SYNE1: variants seen among roughly 807,000 people sequenced by gnomAD.
The protein encoded by SYNE1 is spectrin repeat containing nuclear envelope protein 1.
Under a neutral mutation model 1,111.0 loss-of-function variants are expected in SYNE1, and 616 were observed. The ratio of observed to expected loss-of-function variants is 0.55; its 90% CI spans 0.52 to 0.59. The LOEUF (loss-of-function observed/expected upper bound fraction) is 0.59. Among genes scored for constraint, SYNE1 ranks in the 20% least tolerant of loss-of-function variants. SYNE1 has a pLI of 0.00. For missense variants in SYNE1, 10,006 were observed against 10,417.0 expected (o/e 0.96, Z 1.72); for synonymous variants, 3,855 against 3,825.8 (o/e 1.01, Z -0.28).
intron 6 of SYNE1, among the ~76,000 whole-genome samples, chr6:152,518,841 T>C (rs980192892): frequency 1.4e-5 from 2 of 146,012 alleles, no homozygotes; most frequent in Non-Finnish European, 3.1e-5. Flanking sequence ...TGTATATACA[T>C]GTACACACAT....
At chr6:152,420,777 T>C (rs991456738) in intron 39 of SYNE1, among the ~76,000 whole-genome samples, 1 of 118,220 alleles carries the variant, frequency 8.5e-6, no homozygotes, top group Non-Finnish European at 1.7e-5. Context: ...CTGATTCTTT[T>C]TATGTTTTCC....
chr6:152,276,059 G>C (rs1384893963), intron 98 of SYNE1, among the ~76,000 whole-genome samples: 1 of 130,424 alleles, frequency 7.7e-6, no homozygotes, highest in African/African-American at 2.8e-5. Context: ...TTTTGAGACA[G>C]GATTTCACTC....
chr6:152,403,119 A>G (rs1483517011), intron 46 of SYNE1, among the ~76,000 whole-genome samples: 2 of 152,170 alleles, frequency 1.3e-5, no homozygotes, highest in African/African-American at 4.8e-5. Flanking sequence ...AAGAAAGGAA[A>G]TGTAGAGAAA....
chr6:152,172,937 T>C (rs1017721420), intron 130 of SYNE1, among the ~76,000 whole-genome samples: 6 of 152,202 alleles, frequency 3.9e-5, no homozygotes, highest in Non-Finnish European at 8.8e-5. Flanking sequence ...TAATTAAAAT[T>C]AAGGAGTAAT....
chr6:152,358,340 G>T, intron 66 of SYNE1, 33 bp downstream of exon 66: 1 of 1,613,884 alleles, frequency 6.2e-7, no homozygotes, highest in Non-Finnish European at 8.5e-7. Context: ...TCAGAATGAA[G>T]ATTCCTTTGT....
At chr6:152,610,224 T>C (rs2099627416) in intron 3 of SYNE1, among the ~76,000 whole-genome samples, 1 of 152,060 alleles carries the variant, frequency 6.6e-6, no homozygotes, top group Non-Finnish European at 1.5e-5. Flanking sequence ...TTCAAACCCA[T>C]CGCAAGGAAG....
rs962951055 is a variant in SYNE1, at chr6:152,235,422, C to G, written c.20397-622G>C. On this transcript the variant is annotated intron_variant, in intron 110 of 145. Transcript: ENST00000367255. ...TGTTGCCCAGGCTGGAGTGCAATGG[C>G]GCAATCTTGGCTCACTGCAACCTCC... Among the ~76,000 whole-genome samples the G allele has an allele frequency of 3.3e-5, 5 of 152,130 alleles. No individual in the cohort carries two copies. The South Asian group carries it at 1.0e-3, about 32-fold the overall frequency.
chr6:152,402,317 C>T (rs921837283), intron 46 of SYNE1: 1 of 152,336 alleles, frequency 6.6e-6, no homozygotes, highest in African/African-American at 2.4e-5. Flanking sequence ...CTTTCTCATT[C>T]CTCAGCCTGG....
At position 152,344,237 on chromosome 6, in the gene SYNE1, T is replaced by A. The variant is rs768654827; in HGVS notation, c.12079-10A>T. 3 of 1,613,992 alleles carry A rather than the reference T, an allele frequency of 1.9e-6. No homozygotes were observed. Among genetic ancestry groups the A allele is most frequent in the African/African-American group, 1.3e-5 (1 of 74,908 alleles). ...CCAAACTCTGGTACATCTGAGACAA[T>A]ACAATCATGCTGAGATTATGAGAAC... On this transcript the variant is annotated splice_polypyrimidine_tract_variant and intron_variant, in intron 73 of 145. Coordinates refer to ENST00000367255, the MANE Select transcript of SYNE1 (RefSeq NM_182961.4).
rs146496695 is a variant in SYNE1, at chr6:152,229,052, C to T, written c.21195+1495G>A. Among the ~76,000 whole-genome samples, 1,168 of 152,182 alleles carry T rather than the reference C, an allele frequency of 7.7e-3. 11 individuals carry two copies. The highest frequency in any genetic ancestry group is 0.054 in the Middle Eastern group (16 of 294). ...CAGCACTTCTCTTCCTTTTCAGAAC[C>T]GAAAAGCTTTGATTAAGTGCTTAAA... On this transcript the variant is annotated intron_variant, in intron 115 of 145. Transcript: ENST00000367255.
intron 3 of SYNE1, among the ~76,000 whole-genome samples, chr6:152,622,231 G>C (rs2099676991): frequency 1.3e-5 from 2 of 152,088 alleles, no homozygotes; most frequent in Admixed American, 6.6e-5. Flanking sequence ...GTTTTAATAA[G>C]AAGAGTCATT....
intron 3 of SYNE1, among the ~76,000 whole-genome samples, chr6:152,545,314 T>C (rs1395715422): frequency 6.6e-6 from 1 of 152,182 alleles, no homozygotes; most frequent in Non-Finnish European, 1.5e-5. Flanking sequence ...GTGCTGTGGC[T>C]CATGCCTGTA....
chr6:152,563,465 A>C (rs950735823), intron 3 of SYNE1, among the ~76,000 whole-genome samples: 1 of 152,306 alleles, frequency 6.6e-6, no homozygotes, highest in African/African-American at 2.4e-5. Context: ...GACATTTTTC[A>C]TTCGATATTT....
intron 92 of SYNE1, among the ~76,000 whole-genome samples, 162 bp downstream of exon 92, chr6:152,301,707 C>T (rs2095175853): frequency 6.6e-6 from 1 of 152,232 alleles, no homozygotes; most frequent in Admixed American, 6.5e-5. Context: ...CAAAGATTGG[C>T]CCGGCCCAAC....
intron 14 of SYNE1, among the ~76,000 whole-genome samples, chr6:152,482,873 GAA>G (rs1265184401): frequency 6.6e-6 from 1 of 152,306 alleles, no homozygotes; most frequent in African/African-American, 2.4e-5. Flanking sequence ...CACAGGTATG[GAA>G]AATATCTCAG....
chr6:152,578,144 C>T, intron 3 of SYNE1, among the ~76,000 whole-genome samples: 1 of 152,094 alleles, frequency 6.6e-6, no homozygotes, highest in Middle Eastern at 3.4e-3. Context: ...AAATCTGAAA[C>T]TTTATATTTT....
intron 16 of SYNE1, among the ~76,000 whole-genome samples, chr6:152,469,845 G>A (rs2098795210): frequency 6.6e-6 from 1 of 152,036 alleles, no homozygotes; most frequent in Non-Finnish European, 1.5e-5. Flanking sequence ...CTGGCTCCTT[G>A]GTATCTAAAA....
Position 152,373,043 on chromosome 6 carries a change from A to C in SYNE1, c.9501T>G (p.Ala3167=). The C allele has an allele frequency of 6.2e-7, 1 of 1,614,094 alleles. No homozygotes were observed. The highest frequency in any genetic ancestry group is 8.5e-7 in the Non-Finnish European group (1 of 1,179,984). ...TGTGGTTGGCTATATATACCTCTAG[A>C]GCAGATTCTTTTTGGTGGAGATTTG... ...FHSNLHQKES[A]LENLKIQMKD... Residue 3167 remains alanine, a synonymous_variant, in exon 59 of 146, where the codon GCT becomes GCG. Coordinates refer to ENST00000367255, the MANE Select transcript of SYNE1 (RefSeq NM_182961.4).
intron 115 of SYNE1, among the ~76,000 whole-genome samples, chr6:152,229,535 TTAA>T (rs1293716230): frequency 6.6e-6 from 1 of 152,152 alleles, no homozygotes; most frequent in Non-Finnish European, 1.5e-5. Context: ...TGGGATATTA[TTAA>T]TAATTAATTA....
Sources: gnomAD v4.1 joint callset for allele counts (sites outside exome capture counted in the v4.1 genomes callset) on GRCh38, gnomAD v4.1.1 for gene constraint, MANE v1.5 for transcripts, NCBI Gene and HGNC (gene_info 2026-07-23, HGNC 2026-07-21) for gene names.